Variants in RPS6KA1 observed in about 807,000 individuals in gnomAD.
RPS6KA1 encodes the protein ribosomal protein S6 kinase alpha-1.
RPS6KA1 carries 48 observed loss-of-function variants against 91.3 expected under a neutral mutation model. The ratio of observed to expected loss-of-function variants is 0.53; its 90% CI spans 0.42 to 0.67. RPS6KA1 has a LOEUF of 0.67. RPS6KA1 is among the 30% of genes least tolerant of loss of function. RPS6KA1 has a pLI of 0.00. For missense variants in RPS6KA1, 719 were observed against 960.5 expected (o/e 0.75, Z 3.32); for synonymous variants, 359 against 384.7 (o/e 0.93, Z 0.78).
Position 26,560,775 on chromosome 1 carries a change from A to G in RPS6KA1, c.1265A>G (p.Glu422Gly). 6.2e-7 allele frequency: 1 copy of G among 1,614,176 alleles called. No individual in the cohort carries two copies. The highest frequency in any genetic ancestry group is 8.5e-7 in the Non-Finnish European group (1 of 1,180,030). The change falls in exon 15 of 22, where the codon GAG becomes GGG. Residue 422 changes from glutamate to glycine, a missense_variant. Glu to Gly is a moderately conservative substitution (Grantham distance 98). Around this residue, in one of 5 missense-constraint regions of RPS6KA1, gnomAD observed 228 missense variants for 247.6 expected, o/e 0.92. Transcript: ENST00000374168. ...LVFSDGYVVK[E>G]TIGVGSYSEC... ...TTTAGTGACGGCTACGTGGTAAAGG[A>G]GACAATTGGTGTGGGCTCCTACTCT...
At position 26,555,026 on chromosome 1, in the gene RPS6KA1, C is replaced by T; in HGVS notation, c.757-125C>T. The T allele has an allele frequency of 3.0e-6, 3 of 1,014,738 alleles. No individual in the cohort carries two copies. Among genetic ancestry groups the T allele is most frequent in the Non-Finnish European group, 4.4e-6 (3 of 675,070 alleles). The allele number at this position is 1,014,738 out of a possible 1,614,324, so 62.9% of individuals were successfully genotyped here. On this transcript the variant is annotated intron_variant, in intron 9 of 21. Coordinates refer to ENST00000374168, the MANE Select transcript of RPS6KA1 (RefSeq NM_002953.4). This position sits in a 1 kb window ranked among gnomAD's most constrained non-coding sequence, Gnocchi z 4.3. ...GCAAGAGGGACGGGCATAATTCTTG[C>T]TCCAGGCTGACTTGGATGTATCAGC... is the stretch of plus-strand genomic sequence containing the variant.
At position 26,558,902 on chromosome 1, in the gene RPS6KA1, C is replaced by T. The variant is rs779751417; in HGVS notation, c.1180C>T (p.Arg394Cys). The change falls in exon 14 of 22, where the codon CGT becomes TGT. Residue 394 changes from arginine (R) to cysteine (C), a missense_variant. Arg to Cys is a radical substitution (Grantham distance 180, BLOSUM62 -3). Coordinates refer to ENST00000374168, the MANE Select transcript of RPS6KA1 (RefSeq NM_002953.4). The surrounding 1 kb of genome is among the most constrained non-coding windows in gnomAD (Gnocchi z 4.0). ...CCTGATGGAAGACGACGGCAAGCCT[C>T]GTGCCCCGCAGGCACCCCTGCACTC... ...TGLMEDDGKPRAPQAPLHSVV... is the reference protein window; with the variant it reads ...TGLMEDDGKPCAPQAPLHSVV... 58 of 1,613,540 alleles carry T rather than the reference C, an allele frequency of 3.6e-5. No individual in the cohort carries two copies. The highest frequency in any genetic ancestry group is 4.0e-5 in the African/African-American group (3 of 74,942).
chr1:26,560,624 C>T, intron 14 of RPS6KA1, 102 bp from the exon 15 acceptor site: 1 of 1,468,432 alleles, frequency 6.8e-7, no homozygotes, highest in Non-Finnish European at 9.3e-7. Context: ...TCTCCTGGCC[C>T]TTCCCTGGTG....
chr1:26,552,452 TTAA>T (rs1402453515), intron 6 of RPS6KA1, among the ~76,000 whole-genome samples: 1 of 150,698 alleles, frequency 6.6e-6, no homozygotes, highest in Non-Finnish European at 1.5e-5. Context: ...AATTCAAACT[TTAA>T]AGAGAATCTA....
intron 14 of RPS6KA1, among the ~76,000 whole-genome samples, chr1:26,559,969 A>G (rs752976698): frequency 6.6e-6 from 1 of 152,186 alleles, no homozygotes; most frequent in Non-Finnish European, 1.5e-5. Flanking sequence ...GCGCGTGCCT[A>G]TAGTCCCAGC....
Position 26,555,574 on chromosome 1 carries a change from G to A in RPS6KA1, c.865G>A (p.Ala289Thr). The A allele has an allele frequency of 6.2e-7, 1 of 1,601,462 alleles. No homozygotes were observed. Among genetic ancestry groups the A allele is most frequent in the Non-Finnish European group, 8.5e-7 (1 of 1,173,396 alleles). Reference protein sequence around the residue: ...LGMPQFLSTEAQSLLRALFKR... With the variant: ...LGMPQFLSTETQSLLRALFKR... ...CATGCCCCAGTTTCTGAGCACTGAA[G>A]CCCAGAGCCTCTTGCGGGCCCTGTT... The change falls in exon 11 of 22, where the codon GCC (alanine) becomes ACC (threonine). Residue 289 changes from alanine to threonine, a missense_variant. This residue lies in a region of RPS6KA1 where 228 missense variants were observed against 247.6 expected (regional missense o/e 0.92). Coordinates refer to ENST00000374168, the MANE Select transcript of RPS6KA1 (RefSeq NM_002953.4). This position sits in a 1 kb window ranked among gnomAD's most constrained non-coding sequence, Gnocchi z 4.3.
intron 14 of RPS6KA1, 49 bp from the exon 15 acceptor site, chr1:26,560,677 C>T: frequency 1.2e-6 from 2 of 1,612,942 alleles, no homozygotes; most frequent in Admixed American, 1.7e-5. Context: ...GGGGATGACC[C>T]CTAGCACTCT....
rs1553133561 is a variant in RPS6KA1 at position 26,562,825 on chromosome 1, C to CCTTTTTTTTTTTTTTTTTTTTT, written c.1590+1162_1590+1163insCTTTTTTTTTTTTTTTTTTTTT. Among the ~76,000 whole-genome samples, 3 of 81,432 alleles carry CCTTTTTTTTTTTTTTTTTTTTT rather than the reference C, an allele frequency of 3.7e-5. 1 individual carries two copies. Among genetic ancestry groups the CCTTTTTTTTTTTTTTTTTTTTT allele is most frequent in the Non-Finnish European group, 6.8e-5 (3 of 44,326 alleles). The allele number at this position is 81,432 out of a possible 152,430, so 53.4% of individuals were successfully genotyped here. On this transcript the variant is annotated intron_variant, in intron 17 of 21. Transcript: ENST00000374168. ...ATAGACACATTTTTCTCCTATTGTCCTTTTTTTTTTTTTTTTTTTTTTTTT... is the reference window on the plus strand; with the variant it reads ...ATAGACACATTTTTCTCCTATTGTCCCTTTTTTTTTTTTTTTTTTTTTTTTTTTTTTTTTTTTTTTTTTTTTT...
intron 2 of RPS6KA1, among the ~76,000 whole-genome samples, chr1:26,537,989 G>C (rs1039183018): frequency 6.6e-6 from 1 of 152,216 alleles, no homozygotes; most frequent in African/African-American, 2.4e-5. Flanking sequence ...TCCAGACCTA[G>C]GTTGGCTTGA....
intron 4 of RPS6KA1, among the ~76,000 whole-genome samples, chr1:26,549,413 A>G (rs910008319): frequency 6.6e-6 from 1 of 151,900 alleles, no homozygotes; most frequent in Non-Finnish European, 1.5e-5. Context: ...TCTACTAAAA[A>G]TACAAAAAAA....
intron 17 of RPS6KA1, among the ~76,000 whole-genome samples, chr1:26,567,695 T>C (rs1389163903): frequency 6.6e-6 from 1 of 152,180 alleles, no homozygotes; most frequent in African/African-American, 2.4e-5. Context: ...CTAGTGCTTC[T>C]TCCCAAGCAG....
chr1:26,567,570 G>A (rs536948370), intron 17 of RPS6KA1, among the ~76,000 whole-genome samples: 69 of 152,186 alleles, frequency 4.5e-4, no homozygotes, highest in African/African-American at 1.4e-3. Flanking sequence ...TAGTAGAGAC[G>A]GGGTTTCTCC....
chr1:26,553,086 T>G (rs1465893714), intron 6 of RPS6KA1, among the ~76,000 whole-genome samples: 1 of 152,210 alleles, frequency 6.6e-6, no homozygotes. Flanking sequence ...GAGAAACTCC[T>G]TGTTCCAGTT....
chr1:26,541,762 G>A (rs889219282), intron 2 of RPS6KA1, among the ~76,000 whole-genome samples: 5 of 152,202 alleles, frequency 3.3e-5, no homozygotes, highest in Non-Finnish European at 5.9e-5. Flanking sequence ...AGGGGGTAGC[G>A]CCTGGAAGGG....
At position 26,561,257 on chromosome 1, in the gene RPS6KA1, TC is replaced by T; in HGVS notation, c.1431+126del. The T allele has an allele frequency of 1.0e-6, 1 of 987,634 alleles. No individual in the cohort carries two copies. The highest frequency in any genetic ancestry group is 1.5e-5 in the South Asian group (1 of 66,204). The allele number at this position is 987,634 out of a possible 1,614,324, so 61.2% of individuals were successfully genotyped here. ...AGTGGTCATGTGGAGGGGAAGGAGGTCCCTTGGTCCCTTCAGTCTGCCCATA... is the reference window on the plus strand; with the variant it reads ...AGTGGTCATGTGGAGGGGAAGGAGGTCCTTGGTCCCTTCAGTCTGCCCATA... On this transcript the variant is annotated intron_variant, in intron 16 of 21. Coordinates refer to ENST00000374168, the MANE Select transcript of RPS6KA1 (RefSeq NM_002953.4). The surrounding 1 kb of genome is among the most constrained non-coding windows in gnomAD (Gnocchi z 5.7).
rs1230782857 is a variant in RPS6KA1 at position 26,554,177 on chromosome 1, C to G, written c.576-37C>G. 6.5e-7 allele frequency: 1 copy of G among 1,549,790 alleles called. No homozygotes were observed. Among genetic ancestry groups the G allele is most frequent in the Non-Finnish European group, 8.7e-7 (1 of 1,145,912 alleles). On this transcript the variant is annotated intron_variant, in intron 7 of 21. Transcript: ENST00000374168. The surrounding 1 kb of genome is among the most constrained non-coding windows in gnomAD (Gnocchi z 4.6). ...GGTAACACCATCACCCACACGGCCA[C>G]AGCTGAGGGGCCCTGACCACTATTT...
At chr1:26,530,707 C>T in intron 1 of RPS6KA1, 1 of 1,261,972 alleles carries the variant, frequency 7.9e-7, no homozygotes, top group Non-Finnish European at 1.0e-6. Context: ...CTTCTGCCAG[C>T]CCAGACTCCC....
intron 4 of RPS6KA1, among the ~76,000 whole-genome samples, chr1:26,549,754 G>C (rs10902750): frequency 6.9e-6 from 1 of 144,558 alleles, no homozygotes; most frequent in African/African-American, 2.6e-5. Flanking sequence ...CAGACTGGAG[G>C]GCAGTGGTGT....
intron 4 of RPS6KA1, among the ~76,000 whole-genome samples, chr1:26,548,071 G>C (rs969195656): frequency 1.3e-5 from 2 of 152,168 alleles, no homozygotes; most frequent in Admixed American, 1.3e-4. Context: ...CCAAATCCTA[G>C]CTGGGGAGGT....
Sources: gnomAD v4.1 joint callset for allele counts (sites outside exome capture counted in the v4.1 genomes callset) on GRCh38, gnomAD v4.1.1 for gene constraint, gnomAD v4.1.1 regional missense constraint, Gnocchi (gnomAD v3.1) non-coding constraint, MANE v1.5 for transcripts, NCBI Gene and HGNC (gene_info 2026-07-23, HGNC 2026-07-21) for gene names.